LHFPL4: variants seen among roughly 807,000 people sequenced by gnomAD.
LHFPL4 encodes LHFPL tetraspan subfamily member 4.
LHFPL4 carries 6 observed loss-of-function variants against 20.0 expected under a neutral mutation model. The ratio of observed to expected loss-of-function variants is 0.30; its 90% CI spans 0.16 to 0.59. The LOEUF (loss-of-function observed/expected upper bound fraction) is 0.59. Ranked by LOEUF, LHFPL4 falls within the 20% of genes least tolerant of loss-of-function variation. The pLI is 0.88. For missense variants in LHFPL4, 215 were observed against 331.2 expected, an observed-to-expected ratio of 0.65 and a Z score of 2.72; for synonymous variants, 129 against 143.8, an observed-to-expected ratio of 0.90 and a Z score of 0.74.
chr3:9,502,369 T>G, intron 3 of LHFPL4, 58 bp from the exon 4 acceptor site: 1 of 1,311,324 alleles, frequency 7.6e-7, no homozygotes, highest in Non-Finnish European at 1.1e-6. Flanking sequence ...AGAGGCTGCC[T>G]GGGCATTCAG....
chr3:9,502,062 C>T lies in LHFPL4; in HGVS notation c.*149G>A. ...TCCCCCAGGCCACATCCAGGCTTTC[C>T]TCTCCTCAAAGCCTGGAGCTTGCAG... On this transcript the variant is annotated 3_prime_UTR_variant, in exon 4 of 4. Transcript: ENST00000287585. 1.5e-6 allele frequency: 1 copy of T among 656,184 alleles called. No individual in the cohort carries two copies. Among genetic ancestry groups the T allele is most frequent in the Non-Finnish European group, 2.8e-6 (1 of 362,736 alleles). The allele number at this position is 656,184 out of a possible 1,614,324, so 40.6% of individuals were successfully genotyped here. A position where few individuals can be genotyped will look rare whatever the true frequency, so the allele number is the denominator to read the frequency against.
In LHFPL4 at chr3:9,499,391, C is replaced by A. The variant is rs1410583622; in HGVS notation, c.*2820G>T. On this transcript the variant is annotated 3_prime_UTR_variant, in exon 4 of 4. Coordinates refer to ENST00000287585, the MANE Select transcript of LHFPL4 (RefSeq NM_198560.3). ...GGTTTGGTCCCCACTCTGACTTCTA[C>A]CCCTTGCCTGTGTCACCCTGGGGTT... 1 of 152,874 alleles carries A rather than the reference C, an allele frequency of 6.5e-6. No individual in the cohort carries two copies. The highest frequency in any genetic ancestry group is 2.4e-5 in the African/African-American group (1 of 41,460). 9.5% of individuals were successfully genotyped at this position (152,874 alleles called of 1,614,324 possible). A position where few individuals can be genotyped will look rare whatever the true frequency, so the allele number is the denominator to read the frequency against.
At chr3:9,532,979 C>T (rs1047587565) in intron 2 of LHFPL4, among the ~76,000 whole-genome samples, 5 of 152,194 alleles carry the variant, frequency 3.3e-5, no homozygotes, top group East Asian at 1.9e-4. Context: ...GAGGACAGTG[C>T]GGGGCTGCAG....
At chr3:9,503,076 G>T (rs1313973053) in intron 3 of LHFPL4, among the ~76,000 whole-genome samples, 1 of 151,986 alleles carries the variant, frequency 6.6e-6, no homozygotes, top group Non-Finnish European at 1.5e-5. Flanking sequence ...GTGGGCTCAA[G>T]CGATCCTCCT....
At chr3:9,540,456 A>G (rs1455912910) in intron 2 of LHFPL4, among the ~76,000 whole-genome samples, 3 of 152,208 alleles carry the variant, frequency 2.0e-5, no homozygotes, top group Non-Finnish European at 2.9e-5. Flanking sequence ...TTCTTGTAAT[A>G]GAGTGTGGCA....
intron 3 of LHFPL4, 29 bp from the exon 4 acceptor site, chr3:9,502,340 G>C: frequency 2.1e-6 from 3 of 1,447,834 alleles, no homozygotes; most frequent in Non-Finnish European, 2.9e-6. Context: ...GAGAGAAGGA[G>C]AGAGAATTAG....
chr3:9,517,812 T>TTG (rs2046313868), intron 2 of LHFPL4, among the ~76,000 whole-genome samples: 1 of 150,466 alleles, frequency 6.6e-6, no homozygotes, highest in Non-Finnish European at 1.5e-5. Context: ...TTTTTTGTTT[T>TTG]TTTTTTTTTG....
chr3:9,551,514 C>A (rs971915192), intron 2 of LHFPL4, among the ~76,000 whole-genome samples: 1 of 152,188 alleles, frequency 6.6e-6, no homozygotes, highest in African/African-American at 2.4e-5. Context: ...TCCCAAAAAG[C>A]CCTTCTCTGG....
intron 2 of LHFPL4, among the ~76,000 whole-genome samples, chr3:9,510,042 T>C (rs923283660): frequency 3.3e-5 from 5 of 152,166 alleles, no homozygotes; most frequent in African/African-American, 9.7e-5. Context: ...CTTTTGACAT[T>C]CAAGCTAGAT....
At chr3:9,510,623 A>G (rs553082702) in intron 2 of LHFPL4, among the ~76,000 whole-genome samples, 1 of 152,108 alleles carries the variant, frequency 6.6e-6, no homozygotes, top group Non-Finnish European at 1.5e-5. Context: ...TATTTTTAAT[A>G]TTGTGATACT....
intron 3 of LHFPL4, among the ~76,000 whole-genome samples, chr3:9,503,199 G>A (rs2046191282): frequency 1.3e-5 from 2 of 152,112 alleles, no homozygotes; most frequent in African/African-American, 4.8e-5. Flanking sequence ...GTGAGGGACG[G>A]AGACTCCCTG....
At chr3:9,515,916 T>C (rs1009192083) in intron 2 of LHFPL4, among the ~76,000 whole-genome samples, 10 of 151,992 alleles carry the variant, frequency 6.6e-5, no homozygotes, top group Non-Finnish European at 1.2e-4. Flanking sequence ...GGTTTTGCCA[T>C]GTTGGCCAGG....
At chr3:9,543,775 G>A (rs2046493940) in intron 2 of LHFPL4, among the ~76,000 whole-genome samples, 1 of 120,544 alleles carries the variant, frequency 8.3e-6, no homozygotes, top group Non-Finnish European at 1.6e-5. Flanking sequence ...CTGTCACCCA[G>A]GCTGGAGTGC....
intron 2 of LHFPL4, among the ~76,000 whole-genome samples, chr3:9,516,101 A>C (rs2046299363): frequency 1.3e-5 from 2 of 152,138 alleles, no homozygotes; most frequent in African/African-American, 4.8e-5. Flanking sequence ...AGAACTTTTT[A>C]ACTTTAATGA....
At chr3:9,512,425 T>C (rs529235404) in intron 2 of LHFPL4, among the ~76,000 whole-genome samples, 1 of 152,294 alleles carries the variant, frequency 6.6e-6, no homozygotes, top group South Asian at 2.1e-4. Context: ...AGTGGGAAAA[T>C]AATCCTGAAC....
intron 2 of LHFPL4, among the ~76,000 whole-genome samples, chr3:9,523,764 T>G (rs2046355827): frequency 6.6e-6 from 1 of 152,154 alleles, no homozygotes; most frequent in Non-Finnish European, 1.5e-5. Flanking sequence ...TTACCTTAAC[T>G]TATTCCTTCT....
At chr3:9,540,729 C>T (rs2046471766) in intron 2 of LHFPL4, among the ~76,000 whole-genome samples, 2 of 147,084 alleles carry the variant, frequency 1.4e-5, no homozygotes, top group Non-Finnish European at 3.0e-5. Context: ...TCTGTCTTTT[C>T]AAAAATTTAA....
At chr3:9,538,934 A>G (rs922641729) in intron 2 of LHFPL4, among the ~76,000 whole-genome samples, 5 of 151,928 alleles carry the variant, frequency 3.3e-5, no homozygotes, top group Non-Finnish European at 1.5e-5. Flanking sequence ...CCCTGACCTC[A>G]GGTGATCTGC....
chr3:9,530,406 A>T (rs2046401637), intron 2 of LHFPL4, among the ~76,000 whole-genome samples: 1 of 152,164 alleles, frequency 6.6e-6, no homozygotes, highest in African/African-American at 2.4e-5. Context: ...AAACCACATG[A>T]ACCAACCTCT....
Sources: gnomAD v4.1 joint callset for allele counts (sites outside exome capture counted in the v4.1 genomes callset) on GRCh38, gnomAD v4.1.1 for gene constraint, MANE v1.5 for transcripts, NCBI Gene and HGNC (gene_info 2026-07-23, HGNC 2026-07-21) for gene names.